The following FAM25G variants were observed in gnomAD, a reference collection of about 807,000 sequenced individuals.
The protein encoded by FAM25G is protein FAM25G.
FAM25G carries 3 observed loss-of-function variants against 6.4 expected under a neutral mutation model. The ratio of observed to expected loss-of-function variants is 0.47; its 90% confidence interval spans 0.21 to 1.21. FAM25G has a LOEUF of 1.21. Ranked by LOEUF, FAM25G falls within the 50% of genes most tolerant of loss-of-function variation. The pLI is 0.22. For missense variants in FAM25G, 34 were observed against 76.0 expected (o/e 0.45, Z 2.06); for synonymous variants, 15 against 31.3 (o/e 0.48, Z 1.74).
chr10:47,488,491 G>A (rs1400534660), intron 2 of FAM25G, among the ~76,000 whole-genome samples: 9 of 150,884 alleles, frequency 6.0e-5, no homozygotes, highest in East Asian at 5.9e-4. Context: ...GATTACAGGC[G>A]TGAGCCACTG....
At position 47,491,487 on chromosome 10, in the gene FAM25G, T is replaced by C; in HGVS notation, c.73+115A>G. The C allele has an allele frequency of 4.5e-6, 3 of 666,966 alleles. No individual in the cohort carries two copies. In the South Asian group the frequency reaches 5.9e-5, roughly 13 times the overall value. The allele number at this position is 666,966 out of a possible 1,614,324, so 41.3% of individuals were successfully genotyped here. The stretch of plus-strand genomic sequence containing the variant: ...TGGTAGAGCAGGAGACCAGGGTTCC[T>C]GAGGGGCCAAGGCCTCCCCGCAGGT... On this transcript the variant is annotated intron_variant, in intron 1 of 2. Transcript: ENST00000452267.
At chr10:47,489,293 C>T (rs1261823005) in intron 2 of FAM25G, among the ~76,000 whole-genome samples, 1 of 143,946 alleles carries the variant, frequency 6.9e-6, no homozygotes, top group Admixed American at 7.0e-5. Flanking sequence ...GCTGGGATTA[C>T]AGGCATGAGC....
At chr10:47,490,647 G>C (rs2942985) in intron 1 of FAM25G, among the ~76,000 whole-genome samples, 12,086 of 121,038 alleles carry the variant, frequency 0.1, 149 homozygotes, top group East Asian at 0.19. Flanking sequence ...TCCCAACGCT[G>C]AGCTTTTCTC....
intron 2 of FAM25G, among the ~76,000 whole-genome samples, chr10:47,487,935 G>A (rs1230597401): frequency 6.6e-6 from 1 of 151,010 alleles, no homozygotes; most frequent in Admixed American, 6.6e-5. Context: ...TGTTTACGAT[G>A]TCTTCCCCCT....
chr10:47,488,557 G>T (rs1376517960), intron 2 of FAM25G, among the ~76,000 whole-genome samples: 2 of 151,244 alleles, frequency 1.3e-5, no homozygotes, highest in Non-Finnish European at 2.9e-5. Flanking sequence ...TTATCTCCTA[G>T]TAAGTTAATA....
chr10:47,488,938 A>T (rs1332335913), intron 2 of FAM25G, among the ~76,000 whole-genome samples: 2 of 146,520 alleles, frequency 1.4e-5, no homozygotes, highest in Non-Finnish European at 3.0e-5. Flanking sequence ...CGTGGTCTGG[A>T]TCTCCTGACC....
rs1368105818 is a variant in FAM25G at position 47,487,539 on chromosome 10, T to C, written c.137-131A>G. 39 of 444,312 alleles carry C rather than the reference T, an allele frequency of 8.8e-5. 1 individual carries two copies. The highest frequency in any genetic ancestry group is 1.5e-4 in the Non-Finnish European group (38 of 259,526). The allele number at this position is 444,312 out of a possible 1,614,324, so 27.5% of individuals were successfully genotyped here. A position where few individuals can be genotyped will look rare whatever the true frequency, so the allele number is the denominator to read the frequency against. ...CCCGATGGGACCAAGGGCAGCAGGA[T>C]TACTGCAGAATGAATTTGAATTTGG... is the stretch of plus-strand genomic sequence containing the variant. On this transcript the variant is annotated intron_variant, in intron 2 of 2. Transcript: ENST00000452267.
At position 47,488,712 on chromosome 10, in the gene FAM25G, A is replaced by ATT. The variant is rs1840088979; in HGVS notation, c.136+873_136+874insAA. ...ATTTAACATAGAATTTTACATGTTA[A>ATT]ATTTTTTTTTTTTTTTTTTTTTTTT... On this transcript the variant is annotated intron_variant, in intron 2 of 2. Transcript: ENST00000452267. Among the ~76,000 whole-genome samples, 57 of 95,940 alleles carry ATT rather than the reference A, an allele frequency of 5.9e-4. 1 individual carries two copies. Among genetic ancestry groups the ATT allele is most frequent in the East Asian group, 3.2e-3 (7 of 2,154 alleles). The allele number at this position is 95,940 out of a possible 152,430, so 62.9% of individuals were successfully genotyped here.
At chr10:47,490,122 G>C (rs1424848267) in intron 1 of FAM25G, among the ~76,000 whole-genome samples, 7,411 of 148,728 alleles carry the variant, frequency 0.05, 168 homozygotes, top group African/African-American at 0.1. Context: ...GCCTGCCTCA[G>C]GTTGGTTTCC....
At chr10:47,490,478 G>C (rs1243897975) in intron 1 of FAM25G, 16 of 152,790 alleles carry the variant, frequency 1.0e-4, no homozygotes, top group Non-Finnish European at 1.9e-4. Context: ...GGGAGCCCAC[G>C]CTATTTATTG....
chr10:47,489,263 C>T (rs1237092993), intron 2 of FAM25G, among the ~76,000 whole-genome samples: 1 of 142,876 alleles, frequency 7.0e-6, no homozygotes, highest in African/African-American at 2.5e-5. Flanking sequence ...CATGATCCGC[C>T]CTCCTCAGCC....
intron 2 of FAM25G, among the ~76,000 whole-genome samples, chr10:47,488,715 T>A (rs1455140850): frequency 3.4e-5 from 2 of 58,932 alleles, no homozygotes; most frequent in Non-Finnish European, 6.2e-5. Flanking sequence ...CATGTTAAAT[T>A]TTTTTTTTTT....
chr10:47,488,634 ATACACATGCTTTG>A (rs1840087308), intron 2 of FAM25G, among the ~76,000 whole-genome samples: 1 of 148,216 alleles, frequency 6.7e-6, no homozygotes, highest in African/African-American at 2.5e-5. Flanking sequence ...GGAATGAGAT[ATACACATGCTTTG>A]TACATAGTAC....
At chr10:47,490,277 C>T (rs1407540459) in intron 1 of FAM25G, 1 of 157,882 alleles carries the variant, frequency 6.3e-6, no homozygotes, top group Non-Finnish European at 1.4e-5. Flanking sequence ...GGTTCTTATT[C>T]TAACTCTACC....
chr10:47,488,740 TTTTTTG>T, intron 2 of FAM25G, among the ~76,000 whole-genome samples: 1 of 134,732 alleles, frequency 7.4e-6, no homozygotes, highest in African/African-American at 2.9e-5. Flanking sequence ...TTTTTTTTTT[TTTTTTG>T]AGACAGAGTA....
Position 47,488,408 on chromosome 10 carries a change from A to AG in FAM25G, c.137-1001_137-1000insC, listed in dbSNP as rs1327364117. ...GTATTTTTAGTAGCAATGGGGTTTT[A>AG]CCATATTGGTCAGGCTGGTCTCGAA... On this transcript the variant is annotated intron_variant, in intron 2 of 2. Transcript: ENST00000452267. 7.1e-4 allele frequency among the ~76,000 whole-genome samples: 99 copies of AG among 138,908 alleles called. 1 individual carries two copies. Among genetic ancestry groups the AG allele is most frequent in the African/African-American group, 2.7e-3 (97 of 36,600 alleles). The allele number at this position is 138,908 out of a possible 152,430, so 91.1% of individuals were successfully genotyped here. A position where few individuals can be genotyped will look rare whatever the true frequency, so the allele number is the denominator to read the frequency against.
At chr10:47,489,333 T>C (rs1840105954) in intron 2 of FAM25G, among the ~76,000 whole-genome samples, 1 of 148,840 alleles carries the variant, frequency 6.7e-6, no homozygotes, top group African/African-American at 2.5e-5. Flanking sequence ...AAATGTTTTG[T>C]CCCAGTGTGC....
rs1840152756 is a variant in FAM25G at position 47,491,582 on chromosome 10, A to G, written c.73+20T>C. ...CCCAGATCCCCCCAGCCCAGGTAGA[A>G]AGGAGCCCTGGGTCCTCACTGGCTC... is the stretch of plus-strand genomic sequence containing the variant. On this transcript the variant is annotated intron_variant, in intron 1 of 2. Transcript: ENST00000452267. 6.6e-7 allele frequency: 1 copy of G among 1,506,170 alleles called. No individual in the cohort carries two copies. Among genetic ancestry groups the G allele is most frequent in the African/African-American group, 1.4e-5 (1 of 69,684 alleles). The allele number at this position is 1,506,170 out of a possible 1,614,324, so 93.3% of individuals were successfully genotyped here.
intron 2 of FAM25G, among the ~76,000 whole-genome samples, chr10:47,487,774 GTT>G (rs4013026): frequency 7.4e-6 from 1 of 134,746 alleles, no homozygotes. Context: ...GGTTTATAGT[GTT>G]TTTTTTTTTG....
Sources: gnomAD v4.1 joint callset for allele counts (sites outside exome capture counted in the v4.1 genomes callset) on GRCh38, gnomAD v4.1.1 for gene constraint, MANE v1.5 for transcripts, NCBI Gene and HGNC (gene_info 2026-07-23, HGNC 2026-07-21) for gene names.